PTPRD: variants seen among roughly 807,000 people sequenced by gnomAD.
The protein encoded by PTPRD is receptor-type tyrosine-protein phosphatase delta.
Under a neutral mutation model 214.5 loss-of-function variants are expected in PTPRD, and 34 were observed. The ratio of observed to expected loss-of-function variants is 0.16; its 90% CI spans 0.12 to 0.21. The LOEUF is 0.21. Ranked by LOEUF, PTPRD falls within the 10% of genes least tolerant of loss-of-function variation. The probability of loss-of-function intolerance (pLI) is 1.00; values close to 1 mark genes in which losing one functional copy is unlikely to be tolerated. For synonymous variants in PTPRD, 1,128 were observed against 845.7 expected, an observed-to-expected ratio of 1.33 and a Z score of -5.79; for missense variants, 2,545 against 2,398.7, an observed-to-expected ratio of 1.06 and a Z score of -1.27.
intron 8 of PTPRD, among the ~76,000 whole-genome samples, chr9:9,516,940 A>G (rs2096852621): frequency 6.6e-6 from 1 of 152,150 alleles, no homozygotes; most frequent in African/African-American, 2.4e-5. Context: ...AAGCTACCCA[A>G]TCACTATAAA....
chr9:9,325,175 T>G lies in PTPRD; in HGVS notation c.-203+72274A>C, dbSNP rs559465691. Among the ~76,000 whole-genome samples, 897 of 152,178 alleles carry G rather than the reference T, an allele frequency of 5.9e-3. 4 individuals carry two copies. Among genetic ancestry groups the G allele is most frequent in the Non-Finnish European group, 8.1e-3 (553 of 67,960 alleles). On this transcript the variant is annotated intron_variant, in intron 9 of 45. Transcript: ENST00000381196. ...GCTTAGGATTGTCTTGGCAATGTGG[T>G]CTCTTTTTTGGTTCCATATGAACTT...
At chr9:8,776,307 T>G (rs1432591153) in intron 11 of PTPRD, among the ~76,000 whole-genome samples, 1 of 152,186 alleles carries the variant, frequency 6.6e-6, no homozygotes, top group Non-Finnish European at 1.5e-5. Flanking sequence ...TAGGCATTTT[T>G]GTTTTTATTT....
At chr9:9,623,555 C>G (rs1337582829) in intron 7 of PTPRD, among the ~76,000 whole-genome samples, 1 of 152,090 alleles carries the variant, frequency 6.6e-6, no homozygotes, top group Non-Finnish European at 1.5e-5. Context: ...TCTAGTAACA[C>G]CTTTGATTAT....
At chr9:10,217,276 G>A (rs1400681245) in intron 3 of PTPRD, among the ~76,000 whole-genome samples, 1 of 151,406 alleles carries the variant, frequency 6.6e-6, no homozygotes, top group African/African-American at 2.4e-5. Flanking sequence ...CCTCTTCCAG[G>A]CCAACACAGA....
intron 2 of PTPRD, among the ~76,000 whole-genome samples, chr9:10,342,955 C>A (rs527293118): frequency 1.3e-5 from 2 of 152,158 alleles, no homozygotes; most frequent in South Asian, 4.1e-4. Context: ...AATAGCCTGA[C>A]CTCCATACCT....
chr9:9,076,689 A>G (rs1327543785), intron 10 of PTPRD, among the ~76,000 whole-genome samples: 1 of 151,902 alleles, frequency 6.6e-6, no homozygotes, highest in South Asian at 2.1e-4. Flanking sequence ...TTCTTTATCC[A>G]TTCATCTGAG....
chr9:8,381,949 C>G (rs1372565124), intron 37 of PTPRD, among the ~76,000 whole-genome samples: 1 of 152,086 alleles, frequency 6.6e-6, no homozygotes, highest in East Asian at 1.9e-4. Context: ...ACTTTGATAT[C>G]AGCTCTTCCC....
At chr9:10,479,009 C>A (rs1012241023) in intron 2 of PTPRD, among the ~76,000 whole-genome samples, 1 of 152,030 alleles carries the variant, frequency 6.6e-6, no homozygotes, top group African/African-American at 2.4e-5. Flanking sequence ...CCTTCAAAAA[C>A]GATGAAAACT....
chr9:10,608,472 A>G (rs143324639), intron 2 of PTPRD, among the ~76,000 whole-genome samples: 1,522 of 152,180 alleles, frequency 0.01, 9 homozygotes, highest in Non-Finnish European at 0.017. Context: ...ACCTGACTTC[A>G]GGACAATTTC....
chr9:10,246,014 T>G (rs7032426), intron 3 of PTPRD, among the ~76,000 whole-genome samples: 83,742 of 151,914 alleles, frequency 0.55, 24,761 homozygotes, highest in East Asian at 0.73. Flanking sequence ...AAATAAAAAT[T>G]TCCTATTTTG....
At chr9:9,019,304 G>C (rs2099551318) in intron 10 of PTPRD, among the ~76,000 whole-genome samples, 1 of 86,812 alleles carries the variant, frequency 1.2e-5, no homozygotes, top group Admixed American at 1.1e-4. Flanking sequence ...AAGAAAGAAA[G>C]AAAGAAAGAA....
chr9:10,365,178 A>T (rs1321540753), intron 2 of PTPRD, among the ~76,000 whole-genome samples: 3 of 152,154 alleles, frequency 2.0e-5, no homozygotes, highest in Non-Finnish European at 4.4e-5. Context: ...TTCTCCAATT[A>T]TTCTTTGATA....
intron 7 of PTPRD, among the ~76,000 whole-genome samples, chr9:9,691,783 G>A (rs771918197): frequency 1.3e-5 from 2 of 151,850 alleles, no homozygotes; most frequent in Admixed American, 6.6e-5. Flanking sequence ...TCTCGCCAGC[G>A]TTTGTTATTG....
At chr9:9,519,291 GA>G (rs35779828) in intron 8 of PTPRD, among the ~76,000 whole-genome samples, 43,405 of 149,528 alleles carry the variant, frequency 0.29, 7,680 homozygotes, top group Non-Finnish European at 0.38. Flanking sequence ...ATAAAAACAG[GA>G]AAAAAAAATC....
intron 5 of PTPRD, among the ~76,000 whole-genome samples, chr9:9,824,595 G>A (rs1221164511): frequency 6.6e-6 from 1 of 151,946 alleles, no homozygotes; most frequent in Non-Finnish European, 1.5e-5. Flanking sequence ...ATCACTTTGT[G>A]AGTATGAGAC....
chr9:9,415,196 C>T (rs1271737668), intron 8 of PTPRD, among the ~76,000 whole-genome samples: 1 of 152,104 alleles, frequency 6.6e-6, no homozygotes, highest in Non-Finnish European at 1.5e-5. Flanking sequence ...CTTCAGATGG[C>T]ATAAAAAAGA....
At chr9:8,322,755 T>G (rs150050319) in intron 44 of PTPRD, among the ~76,000 whole-genome samples, 1 of 152,182 alleles carries the variant, frequency 6.6e-6, no homozygotes, top group South Asian at 2.1e-4. Context: ...ATCTTCAATG[T>G]AGACAAACAT....
chr9:9,388,928 T>A (rs760330187), intron 9 of PTPRD, among the ~76,000 whole-genome samples: 1 of 152,046 alleles, frequency 6.6e-6, no homozygotes, highest in Non-Finnish European at 1.5e-5. Context: ...TTAATCAGGA[T>A]CATTAGGGAG....
intron 27 of PTPRD, 103 bp downstream of exon 27, chr9:8,492,759 T>C (rs1465498497): frequency 1.3e-6 from 1 of 741,190 alleles, no homozygotes; most frequent in Non-Finnish European, 2.1e-6. Context: ...AGTCCATTTA[T>C]TTCCTCTGAT....
Sources: allele counts gnomAD v4.1 joint callset (sites outside exome capture counted in the v4.1 genomes callset), GRCh38; gene constraint gnomAD v4.1.1; transcripts MANE v1.5; gene names NCBI Gene and HGNC (gene_info 2026-07-23, HGNC 2026-07-21).